ALK: variants seen among roughly 807,000 people sequenced by gnomAD.
ALK encodes the protein ALK receptor tyrosine kinase.
Under a neutral mutation model 163.1 loss-of-function variants are expected in ALK, and 74 were observed. The ratio of observed to expected loss-of-function variants is 0.45; its 90% CI spans 0.38 to 0.55. The LOEUF is 0.55. Among genes scored for constraint, ALK ranks in the 20% least tolerant of loss-of-function variants. ALK has a pLI of 0.00. For synonymous variants in ALK, 960 were observed against 843.2 expected (o/e 1.14, Z -2.40); for missense variants, 2,063 against 2,105.3 (o/e 0.98, Z 0.39).
chr2:29,702,050 G>A (rs1678757895), intron 2 of ALK, among the ~76,000 whole-genome samples: 1 of 152,036 alleles, frequency 6.6e-6, no homozygotes, highest in Non-Finnish European at 1.5e-5. Context: ...AGCTCCACAA[G>A]TGAGGCAGAG....
chr2:29,556,445 TC>T (rs1469524318), intron 3 of ALK, among the ~76,000 whole-genome samples: 1 of 152,202 alleles, frequency 6.6e-6, no homozygotes, highest in Non-Finnish European at 1.5e-5. Flanking sequence ...AACAAGACTG[TC>T]TTGAGGATTT....
chr2:29,604,160 G>A (rs1157520758), intron 3 of ALK, among the ~76,000 whole-genome samples: 1 of 113,712 alleles, frequency 8.8e-6, no homozygotes, highest in Non-Finnish European at 1.9e-5. Context: ...TGAGAATAGA[G>A]AAGTTTTTTT....
At chr2:29,843,211 C>T (rs939856949) in intron 1 of ALK, among the ~76,000 whole-genome samples, 3 of 152,030 alleles carry the variant, frequency 2.0e-5, no homozygotes, top group Admixed American at 6.5e-5. Context: ...GAAGGGGTCT[C>T]GGTGCCCCAC....
intron 28 of ALK, among the ~76,000 whole-genome samples, chr2:29,195,561 A>G (rs1274453761): frequency 2.0e-5 from 3 of 152,006 alleles, no homozygotes; most frequent in East Asian, 1.9e-4. Context: ...GTGAAACACC[A>G]TCTCTACTAA....
chr2:29,487,978 GGTT>G (rs1402325548), intron 4 of ALK, among the ~76,000 whole-genome samples: 2 of 151,982 alleles, frequency 1.3e-5, no homozygotes, highest in African/African-American at 4.8e-5. Context: ...TATTTTCTTG[GGTT>G]GTTATTTTTT....
At chr2:29,814,903 G>C (rs2148374138) in intron 1 of ALK, among the ~76,000 whole-genome samples, 1 of 151,804 alleles carries the variant, frequency 6.6e-6, no homozygotes, top group Non-Finnish European at 1.5e-5. Flanking sequence ...GGGAATGTTA[G>C]TGGCAGTAGT....
chr2:29,491,382 T>G (rs887578937), intron 4 of ALK, among the ~76,000 whole-genome samples: 1 of 152,142 alleles, frequency 6.6e-6, no homozygotes, highest in African/African-American at 2.4e-5. Context: ...ATGAATTGAA[T>G]TGAACGTCAA....
At chr2:29,640,174 A>G (rs1214157544) in intron 3 of ALK, among the ~76,000 whole-genome samples, 1 of 152,140 alleles carries the variant, frequency 6.6e-6, no homozygotes, top group Non-Finnish European at 1.5e-5. Flanking sequence ...TCAAACATTC[A>G]TCTCCTCAGT....
chr2:29,193,130 G>T lies in ALK; in HGVS notation c.*94C>A. ...AATAGGTTGGCACAAAACAAAACGT[G>T]ACATTTGGTCTCTGGTTTGTGAAGG... On this transcript the variant is annotated 3_prime_UTR_variant, in exon 29 of 29. Transcript: ENST00000389048. The T allele has an allele frequency of 1.5e-6, 2 of 1,361,294 alleles. No individual in the cohort carries two copies. Among genetic ancestry groups the T allele is most frequent in the Non-Finnish European group, 2.1e-6 (2 of 968,030 alleles). 84.3% of individuals were successfully genotyped at this position (1,361,294 alleles called of 1,614,324 possible).
intron 26 of ALK, among the ~76,000 whole-genome samples, chr2:29,201,940 C>G (rs1403833702): frequency 6.6e-6 from 1 of 152,086 alleles, no homozygotes; most frequent in Non-Finnish European, 1.5e-5. Context: ...AATTCAGTGG[C>G]AGAGAGATTT....
intron 11 of ALK, among the ~76,000 whole-genome samples, chr2:29,254,928 A>G (rs904227930): frequency 6.6e-6 from 1 of 152,222 alleles, no homozygotes; most frequent in Non-Finnish European, 1.5e-5. Flanking sequence ...TGGTTTCCAT[A>G]CACAAAATTT....
chr2:29,592,358 T>C (rs1459443377), intron 3 of ALK, among the ~76,000 whole-genome samples: 2 of 152,250 alleles, frequency 1.3e-5, no homozygotes, highest in Non-Finnish European at 1.5e-5. Context: ...TTCTCTCAGA[T>C]CAGGCCTGAG....
At chr2:29,318,711 C>T (rs1027184435) in intron 7 of ALK, among the ~76,000 whole-genome samples, 2 of 152,016 alleles carry the variant, frequency 1.3e-5, no homozygotes, top group African/African-American at 2.4e-5. Context: ...ACTACACAGG[C>T]GCCTGCCACC....
chr2:29,906,897 G>A (rs529289607), intron 1 of ALK, among the ~76,000 whole-genome samples: 2 of 142,702 alleles, frequency 1.4e-5, no homozygotes, highest in Non-Finnish European at 3.1e-5. Flanking sequence ...TTGGAAAATA[G>A]TGATCCCCAC....
chr2:29,605,264 G>T (rs1397626728), intron 3 of ALK, among the ~76,000 whole-genome samples: 1 of 152,192 alleles, frequency 6.6e-6, no homozygotes, highest in Non-Finnish European at 1.5e-5. Context: ...CCACTGATCT[G>T]ACAGGAGGTG....
intron 5 of ALK, among the ~76,000 whole-genome samples, chr2:29,365,876 A>G (rs1475625496): frequency 2.0e-5 from 3 of 152,182 alleles, no homozygotes; most frequent in Non-Finnish European, 4.4e-5. Flanking sequence ...ATGTGGCACT[A>G]CAATGAGCTC....
chr2:29,707,574 G>A (rs1034475165), intron 2 of ALK, among the ~76,000 whole-genome samples: 2 of 152,198 alleles, frequency 1.3e-5, no homozygotes, highest in Non-Finnish European at 2.9e-5. Context: ...GAACAGAGGA[G>A]GAGATAAGGT....
chr2:29,786,898 C>T (rs1345236493), intron 1 of ALK, among the ~76,000 whole-genome samples: 1 of 152,082 alleles, frequency 6.6e-6, no homozygotes, highest in African/African-American at 2.4e-5. Flanking sequence ...TAGGTTCAAG[C>T]GATTCTCCTG....
intron 3 of ALK, among the ~76,000 whole-genome samples, chr2:29,639,968 G>T (rs932573788): frequency 6.6e-6 from 1 of 152,160 alleles, no homozygotes; most frequent in Admixed American, 6.5e-5. Flanking sequence ...GGGTCTTGAC[G>T]TTCAACTTAG....
Sources: gnomAD v4.1 joint callset for allele counts (sites outside exome capture counted in the v4.1 genomes callset) on GRCh38, gnomAD v4.1.1 for gene constraint, MANE v1.5 for transcripts, NCBI Gene and HGNC (gene_info 2026-07-23, HGNC 2026-07-21) for gene names.